The following AGO4 variants were observed in gnomAD, a reference collection of about 807,000 sequenced individuals.
The protein encoded by AGO4 is argonaute RISC component 4, also known as protein argonaute-4.
AGO4 carries 33 observed loss-of-function variants against 104.7 expected under a neutral mutation model. The ratio of observed to expected loss-of-function variants is 0.32; its 90% CI spans 0.24 to 0.42. The LOEUF is 0.42. Ranked by LOEUF, AGO4 falls within the 10% of genes least tolerant of loss-of-function variation. The pLI is 1.00. For synonymous variants in AGO4, 331 were observed against 364.7 expected, an observed-to-expected ratio of 0.91 and a Z score of 1.05; for missense variants, 711 against 1,083.4, an observed-to-expected ratio of 0.66 and a Z score of 4.83.
At chr1:35,812,706 C>T (rs190790207) in intron 1 of AGO4, among the ~76,000 whole-genome samples, 8 of 152,268 alleles carry the variant, frequency 5.3e-5, no homozygotes, top group Admixed American at 6.5e-5. Flanking sequence ...ATTCCCCTGC[C>T]TCAGTCTCCC....
At chr1:35,814,162 G>C (rs1158062828) in intron 1 of AGO4, among the ~76,000 whole-genome samples, 9 of 151,208 alleles carry the variant, frequency 6.0e-5, no homozygotes, top group South Asian at 4.2e-4. Flanking sequence ...AGGGAAGGAA[G>C]GAGAGAGAAA....
At chr1:35,850,051 TAA>T (rs1328953680) in intron 15 of AGO4, 104 bp from the exon 16 acceptor site, 1 of 689,628 alleles carries the variant, frequency 1.5e-6, no homozygotes, top group African/African-American at 1.8e-5. Flanking sequence ...TTTCAAGACT[TAA>T]GAGACATTTA....
In AGO4 at chr1:35,853,512, T is replaced by G; in HGVS notation, c.2493T>G (p.His831Gln). 6.2e-7 allele frequency: 1 copy of G among 1,612,488 alleles called. No homozygotes were observed. Among genetic ancestry groups the G allele is most frequent in the African/African-American group, 1.3e-5 (1 of 74,950 alleles). ...DKDHDSAEGS[H>Q]VSGQSNGRDP... The stretch of plus-strand genomic sequence containing the variant: ...CTCTTTACAGTGCGGAAGGCAGTCA[T>G]GTGTCAGGACAGAGCAACGGCCGGG... The change falls in exon 18 of 18, where the codon CAT (histidine) becomes CAG (glutamine). Residue 831 changes from histidine to glutamine, a missense_variant. Physicochemically the swap from His to Gln is conservative, Grantham distance 24. Transcript: ENST00000373210.
chr1:35,811,481 A>C lies in AGO4; in HGVS notation c.19+3046A>C, dbSNP rs533956574. ...CATCCAAAAAAAAACAAAAAAAAAA[A>C]CAAAAACCAACCACCTCAGGGACCT... On this transcript the variant is annotated intron_variant, in intron 1 of 17. Transcript: ENST00000373210. Among the ~76,000 whole-genome samples the C allele has an allele frequency of 3.6e-4, 54 of 151,936 alleles. No homozygotes were observed. The East Asian group carries it at 6.0e-3, about 17-fold the overall frequency.
At chr1:35,846,531 A>T (rs1644577630) in intron 15 of AGO4, among the ~76,000 whole-genome samples, 1 of 151,672 alleles carries the variant, frequency 6.6e-6, no homozygotes, top group South Asian at 2.1e-4. Context: ...CGGGAGGTGG[A>T]GCTTGCAGTG....
rs1157301327 is a variant in AGO4 at position 35,836,502 on chromosome 1, C to T, written c.1724+509C>T. 3.3e-5 allele frequency among the ~76,000 whole-genome samples: 5 copies of T among 152,196 alleles called. 1 individual carries two copies. The highest frequency in any genetic ancestry group is 7.2e-5 in the African/African-American group (3 of 41,446). On this transcript the variant is annotated intron_variant, in intron 13 of 17. Coordinates refer to ENST00000373210, the MANE Select transcript of AGO4 (RefSeq NM_017629.4). ...TCGGCTTACTGCAAGCTCCGCCTCC[C>T]GGGTTCACGCCATTCTTCTGCCTCA... is the stretch of plus-strand genomic sequence containing the variant.
Position 35,808,473 on chromosome 1 carries a change from C to G in AGO4, c.19+38C>G. On this transcript the variant is annotated intron_variant, in intron 1 of 17. Transcript: ENST00000373210. This position sits in a 1 kb window ranked among gnomAD's most constrained non-coding sequence, Gnocchi z 5.2. Reference sequence around the variant, plus strand: ...CTCGGGTCGGGGCGGGACCCGGGACCCGGGACCCGGGGCGGGCGGCCGGGA... The same window carrying G: ...CTCGGGTCGGGGCGGGACCCGGGACGCGGGACCCGGGGCGGGCGGCCGGGA... The G allele has an allele frequency of 8.5e-7, 1 of 1,180,918 alleles. No individual in the cohort carries two copies. The highest frequency in any genetic ancestry group is 1.0e-6 in the Non-Finnish European group (1 of 954,840). The allele number at this position is 1,180,918 out of a possible 1,614,324, so 73.2% of individuals were successfully genotyped here.
At chr1:35,823,218 A>G (rs1382119456) in intron 3 of AGO4, among the ~76,000 whole-genome samples, 2 of 152,124 alleles carry the variant, frequency 1.3e-5, no homozygotes, top group Admixed American at 1.3e-4. Context: ...GAGCAGAAAC[A>G]AAAGTTTCTG....
At chr1:35,834,922 C>T (rs1229259108) in intron 12 of AGO4, among the ~76,000 whole-genome samples, 1 of 151,956 alleles carries the variant, frequency 6.6e-6, no homozygotes. Flanking sequence ...TCTTGAACTC[C>T]TGGGCTCAAG....
rs945879668 is a variant in AGO4, at chr1:35,857,455, A to G, written c.*3850A>G. ...GTGATTTTTGTTTCTATATTATTAG[A>G]CCTGTAATGTTTTAAAATGTATTTT... On this transcript the variant is annotated 3_prime_UTR_variant, in exon 18 of 18. Transcript: ENST00000373210. The G allele has an allele frequency of 8.5e-5, 13 of 152,184 alleles. No individual in the cohort carries two copies. The highest frequency in any genetic ancestry group is 3.1e-4 in the African/African-American group (13 of 41,438). 9.4% of individuals were successfully genotyped at this position (152,184 alleles called of 1,614,324 possible). A position where few individuals can be genotyped will look rare whatever the true frequency, so the allele number is the denominator to read the frequency against.
rs1491311147 is a variant in AGO4 at position 35,832,419 on chromosome 1, T to TTC, written c.1246-17_1246-16insCT. 4.4e-5 allele frequency: 22 copies of TTC among 495,152 alleles called. 1 individual carries two copies. Among genetic ancestry groups the TTC allele is most frequent in the African/African-American group, 6.3e-5 (3 of 47,436 alleles). The allele number at this position is 495,152 out of a possible 1,614,324, so 30.7% of individuals were successfully genotyped here. On this transcript the variant is annotated splice_polypyrimidine_tract_variant and intron_variant, in intron 10 of 17. Coordinates refer to ENST00000373210, the MANE Select transcript of AGO4 (RefSeq NM_017629.4). ...TTGTTTCTTCTTCTTCTTCTTCTTCTTTTTTTTTTTTTCAAAGAATAAAAC... is the reference window on the plus strand; with the variant it reads ...TTGTTTCTTCTTCTTCTTCTTCTTCTTCTTTTTTTTTTTTCAAAGAATAAAAC...
chr1:35,824,308 T>A (rs1643959434), intron 3 of AGO4, among the ~76,000 whole-genome samples: 1 of 152,094 alleles, frequency 6.6e-6, no homozygotes, highest in African/African-American at 2.4e-5. Context: ...TCTTTTTAGA[T>A]ATGTTATGTA....
chr1:35,809,871 T>G (rs1303309078), intron 1 of AGO4, among the ~76,000 whole-genome samples: 2 of 152,228 alleles, frequency 1.3e-5, no homozygotes, highest in African/African-American at 4.8e-5. Context: ...TGCCTATAGA[T>G]GCTCAACAGA....
At chr1:35,838,926 T>C (rs1441260124) in intron 13 of AGO4, among the ~76,000 whole-genome samples, 5 of 152,162 alleles carry the variant, frequency 3.3e-5, no homozygotes, top group African/African-American at 4.8e-5. Flanking sequence ...TTCTCTTTTT[T>C]TTTTAATTTA....
intron 4 of AGO4, 30 bp downstream of exon 4, chr1:35,825,524 C>T (rs781029534): frequency 1.1e-5 from 18 of 1,595,996 alleles, no homozygotes; most frequent in Non-Finnish European, 1.5e-5. Context: ...TTATTTCCTA[C>T]AAATGTCAGA....
intron 17 of AGO4, among the ~76,000 whole-genome samples, chr1:35,853,248 C>CAA (rs767922952): frequency 2.5e-3 from 164 of 64,690 alleles, no homozygotes; most frequent in African/African-American, 6.4e-3. Flanking sequence ...GACTCTGTCT[C>CAA]AAAAAAAAAA....
chr1:35,854,951 C>G lies in AGO4; in HGVS notation c.*1346C>G, dbSNP rs904003790. Reference sequence around the variant, plus strand: ...AAAGGTTGATTTTTCTTAATAGATTCTGGATTCCACTCACAGGGAGATGGG... The same window carrying G: ...AAAGGTTGATTTTTCTTAATAGATTGTGGATTCCACTCACAGGGAGATGGG... On this transcript the variant is annotated 3_prime_UTR_variant, in exon 18 of 18. Transcript: ENST00000373210. The G allele has an allele frequency of 2.0e-5, 3 of 152,634 alleles. No homozygotes were observed. Among genetic ancestry groups the G allele is most frequent in the African/African-American group, 7.2e-5 (3 of 41,456 alleles). 9.5% of individuals were successfully genotyped at this position (152,634 alleles called of 1,614,324 possible). A position where few individuals can be genotyped will look rare whatever the true frequency, so the allele number is the denominator to read the frequency against.
At chr1:35,819,726 C>CT (rs1413251548) in intron 2 of AGO4, among the ~76,000 whole-genome samples, 1 of 64,740 alleles carries the variant, frequency 1.5e-5, no homozygotes, top group Non-Finnish European at 3.1e-5. Context: ...GAGTGAGACT[C>CT]TGTCTCAAAA....
chr1:35,827,149 C>T (rs1367447641), intron 7 of AGO4, among the ~76,000 whole-genome samples: 2 of 151,820 alleles, frequency 1.3e-5, no homozygotes, highest in Non-Finnish European at 2.9e-5. Context: ...TACAGTGAGC[C>T]GAGGTCACAC....
Sources: allele counts gnomAD v4.1 joint callset (sites outside exome capture counted in the v4.1 genomes callset), GRCh38; gene constraint gnomAD v4.1.1; non-coding constraint Gnocchi (gnomAD v3.1); transcripts MANE v1.5; gene names NCBI Gene and HGNC (gene_info 2026-07-23, HGNC 2026-07-21).